Variants in DLG2 observed in about 807,000 individuals in gnomAD.
DLG2 encodes disks large homolog 2.
In DLG2, 45 loss-of-function variants were observed where a neutral mutation model predicts 132.5. That is an observed-to-expected ratio of 0.34 (90% CI 0.27 to 0.44). DLG2 has a LOEUF of 0.44. Ranked by LOEUF, DLG2 falls within the 20% of genes least tolerant of loss-of-function variation. The pLI is 1.00. For missense variants in DLG2, 1,045 were observed against 1,196.9 expected (o/e 0.87, Z 1.87); for synonymous variants, 424 against 419.6 (o/e 1.01, Z -0.13).
chr11:83,719,689 C>T (rs1237485423), intron 18 of DLG2, among the ~76,000 whole-genome samples: 1 of 152,092 alleles, frequency 6.6e-6, no homozygotes, highest in Non-Finnish European at 1.5e-5. Flanking sequence ...CCTCTGGGAC[C>T]CAAACAGCCC....
chr11:84,960,752 C>T (rs1475616125), intron 6 of DLG2, among the ~76,000 whole-genome samples: 3 of 152,068 alleles, frequency 2.0e-5, no homozygotes, highest in Non-Finnish European at 4.4e-5. Context: ...ATTATCTTTT[C>T]TTTTCACTCC....
Position 85,362,280 on chromosome 11 carries a change from G to T in DLG2, c.41-76915C>A, listed in dbSNP as rs561374272. On this transcript the variant is annotated intron_variant, in intron 3 of 27. Coordinates refer to ENST00000376104, the MANE Select transcript of DLG2 (RefSeq NM_001142699.3). ...TCCTGTGATTTGTTTATTTTTTGTAGTTCTACTTATAGAGATCTTTTGCCT... is the reference window on the plus strand; with the variant it reads ...TCCTGTGATTTGTTTATTTTTTGTATTTCTACTTATAGAGATCTTTTGCCT... Among the ~76,000 whole-genome samples, 8 of 152,140 alleles carry T rather than the reference G, an allele frequency of 5.3e-5. No individual in the cohort carries two copies. The South Asian group carries it at 1.7e-3, about 32-fold the overall frequency.
chr11:85,021,623 G>A lies in DLG2; in HGVS notation c.357+90038C>T, dbSNP rs1256539735. 3 of 1,306,298 alleles carry A rather than the reference G, an allele frequency of 2.3e-6. No homozygotes were observed. The African/African-American group carries it at 4.3e-5, about 19-fold the overall frequency. 80.9% of individuals were successfully genotyped at this position (1,306,298 alleles called of 1,614,324 possible). A position where few individuals can be genotyped will look rare whatever the true frequency, so the allele number is the denominator to read the frequency against. On this transcript the variant is annotated intron_variant, in intron 6 of 27. Transcript: ENST00000376104. ...AACACACGGGAGTTCATGGAGCGAG[G>A]ATCTGTCTTGTTGGTAACGTTGCTA... is the stretch of plus-strand genomic sequence containing the variant.
At chr11:84,271,949 C>CAAAAAAAAAAAAAA (rs71036417) in intron 7 of DLG2, among the ~76,000 whole-genome samples, 3 of 77,766 alleles carry the variant, frequency 3.9e-5, no homozygotes, top group Non-Finnish European at 5.2e-5. Flanking sequence ...TTGATAATAA[C>CAAAAAAAAAAAAAA]AAAAAAAAAA....
intron 4 of DLG2, among the ~76,000 whole-genome samples, chr11:85,229,188 A>AT (rs35465445): frequency 0.81 from 120,554 of 148,992 alleles, 49,474 homozygotes; most frequent in Non-Finnish European, 0.9. Context: ...ACAACACAGT[A>AT]TTTTTTTTTT....
chr11:85,220,798 A>G (rs2074585971), intron 4 of DLG2, among the ~76,000 whole-genome samples: 1 of 151,820 alleles, frequency 6.6e-6, no homozygotes, highest in South Asian at 2.1e-4. Flanking sequence ...ATTTATTTTT[A>G]GATAAGTTAT....
chr11:85,313,288 A>T (rs968015790), intron 3 of DLG2, among the ~76,000 whole-genome samples: 1 of 152,004 alleles, frequency 6.6e-6, no homozygotes, highest in Non-Finnish European at 1.5e-5. Flanking sequence ...CATAAGATGA[A>T]AAACATTAAA....
At chr11:85,528,756 T>C (rs1291081078) in intron 3 of DLG2, among the ~76,000 whole-genome samples, 1 of 152,180 alleles carries the variant, frequency 6.6e-6, no homozygotes, top group Admixed American at 6.5e-5. Flanking sequence ...AGTTTAATTA[T>C]CTGCTATAGT....
intron 3 of DLG2, among the ~76,000 whole-genome samples, chr11:85,430,848 CA>C (rs34643624): frequency 0.074 from 9,636 of 131,000 alleles, 452 homozygotes; most frequent in African/African-American, 0.15. Context: ...GCTAGCCAGT[CA>C]AAAAAAAAAA....
intron 15 of DLG2, among the ~76,000 whole-genome samples, chr11:83,917,704 T>C (rs910106270): frequency 3.3e-5 from 5 of 152,188 alleles, no homozygotes; most frequent in Non-Finnish European, 7.4e-5. Context: ...AACTCTTCCT[T>C]TGAGCTATAA....
intron 18 of DLG2, among the ~76,000 whole-genome samples, chr11:83,745,557 G>T (rs897682194): frequency 6.6e-6 from 1 of 152,004 alleles, no homozygotes; most frequent in Non-Finnish European, 1.5e-5. Context: ...TAATCCCAGC[G>T]CTTTGAGAGG....
intron 6 of DLG2, among the ~76,000 whole-genome samples, chr11:84,947,877 T>C (rs2050418431): frequency 6.6e-6 from 1 of 152,216 alleles, no homozygotes; most frequent in African/African-American, 2.4e-5. Flanking sequence ...ACTATGATTT[T>C]AGGCAATTTA....
intron 6 of DLG2, among the ~76,000 whole-genome samples, chr11:84,733,803 C>T (rs1344373380): frequency 1.3e-5 from 2 of 151,938 alleles, no homozygotes; most frequent in South Asian, 2.1e-4. Context: ...CCATCTTGAA[C>T]TAATTTTTGT....
intron 7 of DLG2, among the ~76,000 whole-genome samples, chr11:84,435,825 G>A (rs990088322): frequency 6.6e-6 from 1 of 151,972 alleles, no homozygotes; most frequent in Non-Finnish European, 1.5e-5. Context: ...CTACATTTGG[G>A]TCCAGGCTTG....
chr11:85,570,978 C>A (rs1430383825), intron 3 of DLG2, among the ~76,000 whole-genome samples: 2 of 151,980 alleles, frequency 1.3e-5, no homozygotes, highest in African/African-American at 4.8e-5. Context: ...CTTATTAATA[C>A]TCTTTATTTT....
rs148707321 is a variant in DLG2, at chr11:84,207,081, C to CTCTCTCTCTATATA, written c.574-43571_574-43570insTATATAGAGAGAGA. On this transcript the variant is annotated intron_variant, in intron 8 of 27. Transcript: ENST00000376104. ...TAAATCTCTCTCTCTCTCTCTCTCT[C>CTCTCTCTCTATATA]TATATATATATATGTATGTATATAT... Among the ~76,000 whole-genome samples, 10 of 146,998 alleles carry CTCTCTCTCTATATA rather than the reference C, an allele frequency of 6.8e-5. 1 individual carries two copies. The South Asian group carries it at 2.2e-3, about 32-fold the overall frequency.
At chr11:84,853,243 C>T (rs2082365522) in intron 6 of DLG2, among the ~76,000 whole-genome samples, 1 of 151,922 alleles carries the variant, frequency 6.6e-6, no homozygotes, top group South Asian at 2.1e-4. Flanking sequence ...CTGGAGGCTA[C>T]AGAAAGACAC....
chr11:84,985,775 T>C (rs581943), intron 6 of DLG2, among the ~76,000 whole-genome samples: 108,756 of 151,908 alleles, frequency 0.72, 40,144 homozygotes, highest in East Asian at 0.92. Flanking sequence ...GGCGGATCAC[T>C]TGAGGTCAGG....
rs918222334 is a variant in DLG2 at position 84,279,893 on chromosome 11, G to A, written c.520-28602C>T. On this transcript the variant is annotated intron_variant, in intron 7 of 27. Coordinates refer to ENST00000376104, the MANE Select transcript of DLG2 (RefSeq NM_001142699.3). ...AAACAAAACTAATTAACAACTTAAC[G>A]ATTATCTTAGTAGGCACAGAAACAA... is the stretch of plus-strand genomic sequence containing the variant. 2.0e-5 allele frequency among the ~76,000 whole-genome samples: 3 copies of A among 152,102 alleles called. No individual in the cohort carries two copies. In the South Asian group the frequency reaches 6.2e-4, roughly 31 times the overall value.
Sources: allele counts gnomAD v4.1 joint callset (sites outside exome capture counted in the v4.1 genomes callset), GRCh38; gene constraint gnomAD v4.1.1; transcripts MANE v1.5; gene names NCBI Gene and HGNC (gene_info 2026-07-23, HGNC 2026-07-21).